Variants in AVPR1B observed in about 807,000 individuals in gnomAD.
AVPR1B encodes arginine vasopressin receptor 1B.
Under a neutral mutation model 27.5 loss-of-function variants are expected in AVPR1B, and 25 were observed. That is an observed-to-expected ratio of 0.91 (90% confidence interval 0.66 to 1.27). The LOEUF (loss-of-function observed/expected upper bound fraction) is 1.27. Ranked by LOEUF, AVPR1B falls within the 50% of genes most tolerant of loss-of-function variation. The probability of loss-of-function intolerance (pLI) is 0.00; values close to 1 mark genes in which losing one functional copy is unlikely to be tolerated. For synonymous variants in AVPR1B, 248 were observed against 240.2 expected, an observed-to-expected ratio of 1.03 and a Z score of -0.30; for missense variants, 595 against 556.9, an observed-to-expected ratio of 1.07 and a Z score of -0.69.
At position 206,112,448 on chromosome 1, in the gene AVPR1B, G is replaced by A. The variant is rs1663396394; in HGVS notation, c.941-1925C>T. Among the ~76,000 whole-genome samples the A allele has an allele frequency of 3.3e-5, 5 of 152,238 alleles. No homozygotes were observed. In the South Asian group the frequency reaches 1.0e-3, roughly 32 times the overall value. On this transcript the variant is annotated intron_variant, in intron 1 of 1. Coordinates refer to ENST00000367126, the MANE Select transcript of AVPR1B (RefSeq NM_000707.5). ...TCTGCCATGATTGGAAGCTTCCTGA[G>A]GCCCTCGCTAGAAGCAGATGCCGGC...
intron 1 of AVPR1B, among the ~76,000 whole-genome samples, chr1:206,115,282 C>T (rs1010541843): frequency 3.9e-5 from 6 of 152,086 alleles, no homozygotes; most frequent in Non-Finnish European, 8.8e-5. Flanking sequence ...AAACTGACGC[C>T]GATCTCATTT....
At chr1:206,114,552 C>T (rs1485245771) in intron 1 of AVPR1B, among the ~76,000 whole-genome samples, 3 of 152,174 alleles carry the variant, frequency 2.0e-5, no homozygotes, top group Non-Finnish European at 4.4e-5. Context: ...GACCATCAGG[C>T]ACTGTCTAAA....
chr1:206,115,089 C>G (rs1284469618), intron 1 of AVPR1B, among the ~76,000 whole-genome samples: 1 of 152,194 alleles, frequency 6.6e-6, no homozygotes, highest in Non-Finnish European at 1.5e-5. Flanking sequence ...CTCATTAAAG[C>G]TCATGCATAG....
Position 206,116,306 on chromosome 1 carries a change from C to A in AVPR1B, c.585G>T (p.Gly195=), listed in dbSNP as rs781796043. Residue 195 remains glycine, a synonymous_variant, in exon 1 of 2, where the codon GGG becomes GGT. Transcript: ENST00000367126. ...TGGTCCAGGTGAGGTAGGCCCGTGG[C>A]CCCCAAGGGAAGCCGAAGTCTGCCC... The part of the protein sequence containing the change: ...DCWADFGFPW[G]PRAYLTWTTL... 6.2e-7 allele frequency: 1 copy of A among 1,613,434 alleles called. No individual in the cohort carries two copies. Among genetic ancestry groups the A allele is most frequent in the East Asian group, 2.2e-5 (1 of 44,894 alleles).
chr1:206,113,897 A>T (rs1307796027), intron 1 of AVPR1B, among the ~76,000 whole-genome samples: 1 of 152,224 alleles, frequency 6.6e-6, no homozygotes, highest in Non-Finnish European at 1.5e-5. Flanking sequence ...GCCTGTGCCT[A>T]GGAAACCCTC....
chr1:206,112,208 AG>A (rs1174307151), intron 1 of AVPR1B, among the ~76,000 whole-genome samples: 1 of 152,002 alleles, frequency 6.6e-6, no homozygotes, highest in African/African-American at 2.4e-5. Flanking sequence ...GAAAAAAAAA[AG>A]AGAGACAGGG....
rs188827706 is a variant in AVPR1B at position 206,111,024 on chromosome 1, C to T, written c.941-501G>A. On this transcript the variant is annotated intron_variant, in intron 1 of 1. Transcript: ENST00000367126. ...TCCTGGACTCTGTCTCCTTCTATCCCTCAGGGGCAGGCCCACTCATTCTAT... is the reference window on the plus strand; with the variant it reads ...TCCTGGACTCTGTCTCCTTCTATCCTTCAGGGGCAGGCCCACTCATTCTAT... Among the ~76,000 whole-genome samples the T allele has an allele frequency of 5.6e-4, 85 of 152,314 alleles. 1 individual carries two copies. Among genetic ancestry groups the T allele is most frequent in the East Asian group, 3.9e-3 (20 of 5,184 alleles).
At chr1:206,115,863 C>T (rs1663457253) in intron 1 of AVPR1B, 88 bp downstream of exon 1, 2 of 1,348,378 alleles carry the variant, frequency 1.5e-6, no homozygotes, top group Non-Finnish European at 2.0e-6. Context: ...ACCTGCCTGG[C>T]CCTGGGAGGC....
chr1:206,110,328 A>G lies in AVPR1B; in HGVS notation c.1136T>C (p.Leu379Pro). Residue 379 changes from leucine to proline, a missense_variant, in exon 2 of 2, where the codon CTG becomes CCG. Transcript: ENST00000367126. ...GGCCGGGCAGCTGGAGCGGGTCAGCAGCGTGGTGTGGCGGCTCGAGAGGCT... is the reference window on the plus strand; with the variant it reads ...GGCCGGGCAGCTGGAGCGGGTCAGCGGCGTGGTGTGGCGGCTCGAGAGGCT... ...DGSLSSRHTTLLTRSSCPATL... is the reference protein window; with the variant it reads ...DGSLSSRHTTPLTRSSCPATL... 1 of 1,613,202 alleles carries G rather than the reference A, an allele frequency of 6.2e-7. No homozygotes were observed. The highest frequency in any genetic ancestry group is 1.1e-5 in the South Asian group (1 of 91,018).
chr1:206,115,472 T>A (rs1663447717), intron 1 of AVPR1B, among the ~76,000 whole-genome samples: 1 of 152,180 alleles, frequency 6.6e-6, no homozygotes, highest in Non-Finnish European at 1.5e-5. Flanking sequence ...ATTAGTAACA[T>A]GAAGAGGTTG....
At position 206,117,187 on chromosome 1, in the gene AVPR1B, C is replaced by T. The variant is rs1016584406; in HGVS notation, c.-297G>A. 1 of 366,842 alleles carries T rather than the reference C, an allele frequency of 2.7e-6. No individual in the cohort carries two copies. The allele number at this position is 366,842 out of a possible 1,614,324, so 22.7% of individuals were successfully genotyped here. A position where few individuals can be genotyped will look rare whatever the true frequency, so the allele number is the denominator to read the frequency against. ...ATGGGGGACGCTGTGCAGAGTGAGG[C>T]TTCTGGGAGGGAAAGAAGGCTGGGG... On this transcript the variant is annotated 5_prime_UTR_variant, in exon 1 of 2. Transcript: ENST00000367126.
intron 1 of AVPR1B, among the ~76,000 whole-genome samples, chr1:206,115,153 T>C (rs1414597788): frequency 6.6e-6 from 1 of 152,090 alleles, no homozygotes; most frequent in Non-Finnish European, 1.5e-5. Context: ...TACGTGCAAG[T>C]GCACAAGGGC....
rs782586753 is a variant in AVPR1B, at chr1:206,109,931, T to G, written c.*258A>C. 6 of 517,058 alleles carry G rather than the reference T, an allele frequency of 1.2e-5. No individual in the cohort carries two copies. Among genetic ancestry groups the G allele is most frequent in the Non-Finnish European group, 2.1e-5 (6 of 289,110 alleles). The allele number at this position is 517,058 out of a possible 1,614,324, so 32.0% of individuals were successfully genotyped here. On this transcript the variant is annotated 3_prime_UTR_variant, in exon 2 of 2. Transcript: ENST00000367126. ...CATGTGTGCATGGACACCCTATGAA[T>G]ATGGCAGGACCAGGGAGACAGGCAG...
At chr1:206,111,322 A>G (rs1252612077) in intron 1 of AVPR1B, among the ~76,000 whole-genome samples, 3 of 152,234 alleles carry the variant, frequency 2.0e-5, no homozygotes, top group East Asian at 3.8e-4. Flanking sequence ...TGCCAAGGCT[A>G]TAAGATTCCT....
rs935315252 is a variant in AVPR1B at position 206,117,059 on chromosome 1, G to C, written c.-169C>G. ...AAATCGTTCAGAGGACTGGGATAGA[G>C]AGGAGGAGGGAGGATGAGATTCGGA... On this transcript the variant is annotated 5_prime_UTR_variant, in exon 1 of 2. Transcript: ENST00000367126. 1.9e-4 allele frequency: 129 copies of C among 692,362 alleles called. 1 individual carries two copies. The highest frequency in any genetic ancestry group is 3.1e-4 in the Non-Finnish European group (122 of 393,898). 42.9% of individuals were successfully genotyped at this position (692,362 alleles called of 1,614,324 possible).
In AVPR1B at chr1:206,110,088, A is replaced by G. The variant is rs952932652; in HGVS notation, c.*101T>C. 23 of 1,362,852 alleles carry G rather than the reference A, an allele frequency of 1.7e-5. No individual in the cohort carries two copies. In the Admixed American group the frequency reaches 5.4e-4, roughly 32 times the overall value. 84.4% of individuals were successfully genotyped at this position (1,362,852 alleles called of 1,614,324 possible). On this transcript the variant is annotated 3_prime_UTR_variant, in exon 2 of 2. Coordinates refer to ENST00000367126, the MANE Select transcript of AVPR1B (RefSeq NM_000707.5). ...GCTCCGCTTTAGACAGGGCTCCTCT[A>G]ACTCCAACCCTTACCCTCCCAGCTC...
At chr1:206,114,517 G>A (rs567911301) in intron 1 of AVPR1B, among the ~76,000 whole-genome samples, 151 of 152,126 alleles carry the variant, frequency 9.9e-4, no homozygotes, top group Non-Finnish European at 2.0e-3. Context: ...GCCTTCCTGA[G>A]AACAAGTTCA....
intron 1 of AVPR1B, 122 bp downstream of exon 1, chr1:206,115,829 C>T: frequency 1.1e-6 from 1 of 932,574 alleles, no homozygotes; most frequent in African/African-American, 1.7e-5. Flanking sequence ...GCACCATCTT[C>T]CTTCATTGCC....
chr1:206,114,719 A>C (rs1663435051), intron 1 of AVPR1B, among the ~76,000 whole-genome samples: 1 of 152,200 alleles, frequency 6.6e-6, no homozygotes, highest in Non-Finnish European at 1.5e-5. Flanking sequence ...AATCAGGGTT[A>C]TTAATGGGGT....
Sources: gnomAD v4.1 joint callset for allele counts (sites outside exome capture counted in the v4.1 genomes callset) on GRCh38, gnomAD v4.1.1 for gene constraint, MANE v1.5 for transcripts, NCBI Gene and HGNC (gene_info 2026-07-23, HGNC 2026-07-21) for gene names.